COL23A1: variants seen among roughly 807,000 people sequenced by gnomAD.
COL23A1 encodes the protein collagen alpha-1(XXIII) chain.
COL23A1 carries 97 observed loss-of-function variants against 99.3 expected under a neutral mutation model. That is an observed-to-expected ratio of 0.98 (90% CI 0.83 to 1.16). The LOEUF (loss-of-function observed/expected upper bound fraction) is 1.16. COL23A1 is among the 50% of genes most tolerant of loss of function. The pLI, the probability that COL23A1 is intolerant of heterozygous loss-of-function variation, is 0.00. For missense variants in COL23A1, 762 were observed against 757.4 expected (o/e 1.01, Z -0.07); for synonymous variants, 320 against 308.2 (o/e 1.04, Z -0.40).
rs2672840 is a variant in COL23A1 at position 178,468,928 on chromosome 5, T to C, written c.361+91754A>G. Among the ~76,000 whole-genome samples, 7,620 of 152,236 alleles carry C rather than the reference T, an allele frequency of 0.05. 568 individuals carry two copies. Among genetic ancestry groups the C allele is most frequent in the African/African-American group, 0.16 (6,750 of 41,520 alleles). The stretch of plus-strand genomic sequence containing the variant: ...CACCAACTCCCCACTCCCCCCAGCC[T>C]GTGGCACCCACCATCCTGGTTTCCG... On this transcript the variant is annotated intron_variant, in intron 2 of 28. Coordinates refer to ENST00000390654, the MANE Select transcript of COL23A1 (RefSeq NM_173465.4). The surrounding 1 kb of genome is among the most constrained non-coding windows in gnomAD (Gnocchi z 4.2).
intron 2 of COL23A1, among the ~76,000 whole-genome samples, chr5:178,437,403 C>T (rs768115720): frequency 1.1e-4 from 16 of 152,132 alleles, no homozygotes; most frequent in Non-Finnish European, 1.6e-4. Context: ...AGAACTGAGC[C>T]GGGTCCAGGG....
At chr5:178,493,498 A>G (rs929233660) in intron 2 of COL23A1, among the ~76,000 whole-genome samples, 6 of 152,194 alleles carry the variant, frequency 3.9e-5, no homozygotes, top group African/African-American at 1.4e-4. Flanking sequence ...AGAGTTCTCC[A>G]GGTCAGCCAC....
intron 1 of COL23A1, among the ~76,000 whole-genome samples, chr5:178,582,633 GCTC>G (rs1562111569): frequency 6.6e-6 from 1 of 152,140 alleles, no homozygotes; most frequent in Non-Finnish European, 1.5e-5. Flanking sequence ...AGGCCCCCAG[GCTC>G]CTCATCTAGA....
intron 2 of COL23A1, among the ~76,000 whole-genome samples, chr5:178,507,538 C>T (rs1018849316): frequency 1.3e-5 from 2 of 152,154 alleles, no homozygotes; most frequent in Non-Finnish European, 2.9e-5. Context: ...GGTGCATGGT[C>T]GACAGTCAAT....
chr5:178,242,734 G>A (rs777015879), intron 25 of COL23A1, among the ~76,000 whole-genome samples: 2 of 152,214 alleles, frequency 1.3e-5, no homozygotes, highest in Non-Finnish European at 2.9e-5. Context: ...AACCATGGAA[G>A]TTATGTCACT....
chr5:178,240,635 G>A (rs1008045812), intron 27 of COL23A1, among the ~76,000 whole-genome samples: 3 of 152,348 alleles, frequency 2.0e-5, no homozygotes, highest in South Asian at 2.1e-4. Context: ...TGCTGTCCCC[G>A]CCCTTTCTGT....
chr5:178,418,234 T>C (rs1044677422), intron 2 of COL23A1, among the ~76,000 whole-genome samples: 6 of 152,260 alleles, frequency 3.9e-5, no homozygotes, highest in African/African-American at 9.6e-5. Context: ...ATAATACACA[T>C]AGAATATGAG....
chr5:178,364,162 T>C (rs958137959), intron 2 of COL23A1, among the ~76,000 whole-genome samples: 6 of 152,178 alleles, frequency 3.9e-5, no homozygotes, highest in African/African-American at 7.2e-5. Flanking sequence ...TTCTGCACAT[T>C]TCCGCCTGTT....
At chr5:178,408,841 G>C (rs1473989377) in intron 2 of COL23A1, among the ~76,000 whole-genome samples, 2 of 151,592 alleles carry the variant, frequency 1.3e-5, no homozygotes, top group Admixed American at 1.3e-4. Context: ...TGTAATCCCA[G>C]ATACTTGGGA....
At chr5:178,316,282 G>A (rs1179134633) in intron 2 of COL23A1, among the ~76,000 whole-genome samples, 2 of 152,178 alleles carry the variant, frequency 1.3e-5, no homozygotes, top group Admixed American at 6.5e-5. Flanking sequence ...TATGAAATAC[G>A]TCTGGGTTTG....
At chr5:178,270,781 G>T (rs1214375687) in intron 5 of COL23A1, among the ~76,000 whole-genome samples, 4 of 152,152 alleles carry the variant, frequency 2.6e-5, no homozygotes, top group African/African-American at 9.7e-5. Flanking sequence ...AGCTCCCAGG[G>T]ACCACCACAT....
intron 2 of COL23A1, among the ~76,000 whole-genome samples, chr5:178,500,859 A>C (rs1758488552): frequency 6.6e-6 from 1 of 152,182 alleles, no homozygotes; most frequent in Non-Finnish European, 1.5e-5. Flanking sequence ...CAAAAGACAG[A>C]TAAGTGCAAC....
chr5:178,312,443 C>T (rs1296943159), intron 2 of COL23A1, among the ~76,000 whole-genome samples: 1 of 152,168 alleles, frequency 6.6e-6, no homozygotes, highest in African/African-American at 2.4e-5. Context: ...ATTTCTAACT[C>T]ATAAAAATCT....
intron 2 of COL23A1, among the ~76,000 whole-genome samples, chr5:178,488,696 C>T (rs2546625): frequency 4.8e-5 from 7 of 146,058 alleles, no homozygotes; most frequent in Admixed American, 1.4e-4. Flanking sequence ...AAAAAAAAAA[C>T]GCTTTGAGGT....
At chr5:178,302,765 TTGC>T (rs1391084897) in intron 3 of COL23A1, among the ~76,000 whole-genome samples, 1 of 152,216 alleles carries the variant, frequency 6.6e-6, no homozygotes, top group Non-Finnish European at 1.5e-5. Flanking sequence ...TGTTCAACAA[TTGC>T]TGCTGATTAT....
chr5:178,578,432 G>C (rs941909060), intron 1 of COL23A1, among the ~76,000 whole-genome samples: 1 of 152,134 alleles, frequency 6.6e-6, no homozygotes, highest in East Asian at 1.9e-4. Flanking sequence ...TAATATAACC[G>C]CCCAAGCCCC....
intron 2 of COL23A1, among the ~76,000 whole-genome samples, chr5:178,481,517 A>AAAAAC (rs567927775): frequency 2.3e-4 from 35 of 152,304 alleles, no homozygotes; most frequent in South Asian, 1.4e-3. Context: ...ACTCAATAAC[A>AAAAAC]AAAACAAAAC....
rs1350585577 is a variant in COL23A1 at position 178,387,831 on chromosome 5, T to C, written c.362-80912A>G. Among the ~76,000 whole-genome samples, 1 of 151,946 alleles carries C rather than the reference T, an allele frequency of 6.6e-6. No homozygotes were observed. Among genetic ancestry groups the C allele is most frequent in the Non-Finnish European group, 1.5e-5 (1 of 68,000 alleles). On this transcript the variant is annotated intron_variant, in intron 2 of 28. Coordinates refer to ENST00000390654, the MANE Select transcript of COL23A1 (RefSeq NM_173465.4). This position sits in a 1 kb window ranked among gnomAD's most constrained non-coding sequence, Gnocchi z 4.7. ...CTCCTCTGTCCCCCAGCTTTTATACTCAGGAAGGAAGAGGGCCCAAGGAGA... is the reference window on the plus strand; with the variant it reads ...CTCCTCTGTCCCCCAGCTTTTATACCCAGGAAGGAAGAGGGCCCAAGGAGA...
At chr5:178,488,641 T>G (rs750666375) in intron 2 of COL23A1, among the ~76,000 whole-genome samples, 4 of 150,762 alleles carry the variant, frequency 2.7e-5, no homozygotes, top group Non-Finnish European at 5.9e-5. Context: ...GACAAAACGG[T>G]GCGTGGAGTT....
Sources: gnomAD v4.1 joint callset for allele counts (sites outside exome capture counted in the v4.1 genomes callset) on GRCh38, gnomAD v4.1.1 for gene constraint, Gnocchi (gnomAD v3.1) non-coding constraint, MANE v1.5 for transcripts, NCBI Gene and HGNC (gene_info 2026-07-23, HGNC 2026-07-21) for gene names.